The following GPX4 variants were observed in gnomAD, a reference collection of about 807,000 sequenced individuals.
GPX4 encodes glutathione peroxidase 4.
A neutral mutation model predicts 27.8 loss-of-function variants in GPX4; 28 were observed. The ratio of observed to expected loss-of-function variants is 1.01; its 90% confidence interval spans 0.75 to 1.38. The LOEUF (loss-of-function observed/expected upper bound fraction) is 1.38. Among genes scored for constraint, GPX4 ranks in the 40% most tolerant of loss-of-function variants. GPX4 has a pLI of 0.00. For synonymous variants in GPX4, 163 were observed against 107.8 expected (o/e 1.51, Z -3.17); for missense variants, 357 against 274.1 (o/e 1.30, Z -2.14).
intron 1 of GPX4, chr19:1,104,966 AT>A: frequency 6.8e-7 from 1 of 1,480,256 alleles, no homozygotes; most frequent in Non-Finnish European, 9.0e-7. Context: ...AATGTGGCAC[AT>A]TTTGGGGTTG....
At chr19:1,106,348 C>T (rs1253116541) in intron 5 of GPX4, 52 bp from the exon 6 acceptor site, 2 of 1,610,900 alleles carry the variant, frequency 1.2e-6, no homozygotes, top group African/African-American at 1.3e-5. Context: ...GGAAGGGCAG[C>T]CTCAGCCCCT....
In GPX4 at chr19:1,106,422, G is replaced by T. The variant is rs768439030; in HGVS notation, c.524G>T (p.Cys175Phe). The change falls in exon 6 of 7, where the codon TGC (cysteine) becomes TTC (phenylalanine). Residue 175 changes from cysteine to phenylalanine, a missense_variant. Coordinates refer to ENST00000354171, the MANE Select transcript of GPX4 (RefSeq NM_002085.5). ...FTKFLIDKNG[C>F]VVKRYGPMEE... ...CAGTTCCTCATCGACAAGAACGGCTGCGTGGTGAAGCGCTACGGACCCATG... is the reference window on the plus strand; with the variant it reads ...CAGTTCCTCATCGACAAGAACGGCTTCGTGGTGAAGCGCTACGGACCCATG... The T allele has an allele frequency of 6.2e-7, 1 of 1,613,534 alleles. No individual in the cohort carries two copies. Among genetic ancestry groups the T allele is most frequent in the Non-Finnish European group, 8.5e-7 (1 of 1,179,956 alleles).
At chr19:1,105,023 G>A (rs1182143202) in intron 1 of GPX4, 163 bp from the exon 2 acceptor site, 1 of 1,466,638 alleles carries the variant, frequency 6.8e-7, no homozygotes, top group African/African-American at 1.4e-5. Context: ...CGGACCAGAA[G>A]TACAAGGGGG....
At position 1,106,577 on chromosome 19, in the gene GPX4, A is replaced by C. The variant is rs368126228; in HGVS notation, c.*5A>C. 1.6e-4 allele frequency: 251 copies of C among 1,613,372 alleles called. No homozygotes were observed. The African/African-American group carries it at 3.2e-3, about 20-fold the overall frequency. On this transcript the variant is annotated 3_prime_UTR_variant, in exon 7 of 7. Transcript: ENST00000354171. ...GACCTGCCCCACTATTTCTAGCTCC[A>C]CAAGTGTGTGGCCCCGCCCGAGCCC...
At position 1,105,960 on chromosome 19, in the gene GPX4, T is replaced by TA. The variant is rs2079647704; in HGVS notation, c.476+153dup. On this transcript the variant is annotated intron_variant, in intron 4 of 6. Transcript: ENST00000354171. ...CTCACATCGCGTGGCCTCCTGGGGG[T>TA]AAGATGGCTCAGGGGGACATAGAGG... The TA allele has an allele frequency of 4.4e-6, 4 of 907,532 alleles. No individual in the cohort carries two copies. In the African/African-American group the frequency reaches 7.4e-5, roughly 17 times the overall value. 56.2% of individuals were successfully genotyped at this position (907,532 alleles called of 1,614,324 possible).
rs753179152 is a variant in GPX4, at chr19:1,105,288, C to A, written c.179+8C>A. The A allele has an allele frequency of 6.2e-7, 1 of 1,612,938 alleles. No homozygotes were observed. The highest frequency in any genetic ancestry group is 1.3e-5 in the African/African-American group (1 of 75,050). On this transcript the variant is annotated splice_region_variant and intron_variant, in intron 2 of 6. Transcript: ENST00000354171. ...TAACCTGGACAAGTACCGGTGGGCGCTCGCCTGGGGTGGGGCGCGGGGTCG... is the reference window on the plus strand; with the variant it reads ...TAACCTGGACAAGTACCGGTGGGCGATCGCCTGGGGTGGGGCGCGGGGTCG...
In GPX4 at chr19:1,105,257, C is replaced by T. The variant is rs1412238452; in HGVS notation, c.156C>T (p.His52=). ...TTTCCGCCAAGGACATCGACGGGCA[C>T]ATGGTTAACCTGGACAAGTACCGGT... ...HEFSAKDIDG[H]MVNLDKYRGF... The change falls in exon 2 of 7, where the codon CAC becomes CAT. Residue 52 remains histidine, a synonymous_variant. Coordinates refer to ENST00000354171, the MANE Select transcript of GPX4 (RefSeq NM_002085.5). 1 of 1,613,082 alleles carries T rather than the reference C, an allele frequency of 6.2e-7. No homozygotes were observed. The highest frequency in any genetic ancestry group is 1.7e-5 in the Admixed American group (1 of 60,026).
chr19:1,104,247 G>T, intron 1 of GPX4, 120 bp downstream of exon 1: 1 of 870,172 alleles, frequency 1.1e-6, no homozygotes, highest in Non-Finnish European at 1.6e-6. Flanking sequence ...GGGGGCGTCT[G>T]GGGGCTCCCC....
chr19:1,104,564 G>T lies in GPX4; in HGVS notation c.84+437G>T, dbSNP rs57563163. On this transcript the variant is annotated intron_variant, in intron 1 of 6. Transcript: ENST00000354171. Reference sequence around the variant, plus strand: ...GCTGCGCCCGAGCGGTTGGGGGCGCGGAGGGCTGGAAATCCCGGATCACGC... The same window carrying T: ...GCTGCGCCCGAGCGGTTGGGGGCGCTGAGGGCTGGAAATCCCGGATCACGC... 9,993 of 918,534 alleles carry T rather than the reference G, an allele frequency of 0.011. 751 individuals are homozygous for T. The African/African-American group carries it at 0.17, about 15-fold the overall frequency. The allele number at this position is 918,534 out of a possible 1,614,324, so 56.9% of individuals were successfully genotyped here.
At chr19:1,104,940 G>A (rs781683954) in intron 1 of GPX4, 2 of 1,465,028 alleles carry the variant, frequency 1.4e-6, no homozygotes, top group Non-Finnish European at 1.8e-6. Context: ...GTGCGCGCGG[G>A]GCCCCCACAC....
intron 1 of GPX4, 150 bp downstream of exon 1, chr19:1,104,277 C>A: frequency 4.3e-6 from 3 of 701,720 alleles, no homozygotes; most frequent in Non-Finnish European, 6.4e-6. Context: ...CCCGGCCGGG[C>A]ACGGACGCGG....
At position 1,105,288 on chromosome 19, in the gene GPX4, C is replaced by T. The variant is rs753179152; in HGVS notation, c.179+8C>T. ...TAACCTGGACAAGTACCGGTGGGCG[C>T]TCGCCTGGGGTGGGGCGCGGGGTCG... On this transcript the variant is annotated splice_region_variant and intron_variant, in intron 2 of 6. Coordinates refer to ENST00000354171, the MANE Select transcript of GPX4 (RefSeq NM_002085.5). The T allele has an allele frequency of 2.9e-5, 46 of 1,612,822 alleles. No homozygotes were observed. The East Asian group carries it at 6.5e-4, about 23-fold the overall frequency.
At position 1,106,645 on chromosome 19, in the gene GPX4, C is replaced by G. The variant is rs752016643; in HGVS notation, c.*73C>G. The stretch of plus-strand genomic sequence containing the variant: ...GCCTTCCACCGGCACTCATGACGGC[C>G]TGCCTGCAAACCTGCTGGTGGGGCA... On this transcript the variant is annotated 3_prime_UTR_variant, in exon 7 of 7. Transcript: ENST00000354171. 3 of 1,596,848 alleles carry G rather than the reference C, an allele frequency of 1.9e-6. No homozygotes were observed. The highest frequency in any genetic ancestry group is 2.6e-6 in the Non-Finnish European group (3 of 1,171,200).
Position 1,105,286 on chromosome 19 carries a change from C to A in GPX4, c.179+6C>A, listed in dbSNP as rs754288488. On this transcript the variant is annotated splice_donor_region_variant and intron_variant, in intron 2 of 6. Coordinates refer to ENST00000354171, the MANE Select transcript of GPX4 (RefSeq NM_002085.5). Reference sequence around the variant, plus strand: ...GTTAACCTGGACAAGTACCGGTGGGCGCTCGCCTGGGGTGGGGCGCGGGGT... The same window carrying A: ...GTTAACCTGGACAAGTACCGGTGGGAGCTCGCCTGGGGTGGGGCGCGGGGT... 1.7e-5 allele frequency: 27 copies of A among 1,612,812 alleles called. No individual in the cohort carries two copies. In the Admixed American group the frequency reaches 4.5e-4, roughly 27 times the overall value.
At chr19:1,105,963 G>T (rs1407461654) in intron 4 of GPX4, 154 bp downstream of exon 4, 2 of 934,372 alleles carry the variant, frequency 2.1e-6, no homozygotes, top group Non-Finnish European at 3.2e-6. Flanking sequence ...CTGGGGGTAA[G>T]ATGGCTCAGG....
At position 1,104,912 on chromosome 19, in the gene GPX4, C is replaced by A. The variant is rs1599807666; in HGVS notation, c.85-274C>A. The A allele has an allele frequency of 1.4e-6, 2 of 1,423,658 alleles. 1 individual carries two copies. 88.2% of individuals were successfully genotyped at this position (1,423,658 alleles called of 1,614,324 possible). A position where few individuals can be genotyped will look rare whatever the true frequency, so the allele number is the denominator to read the frequency against. ...CTTGCGACCGGAGATCCACGAATGT[C>A]CCAAGTCCCAGGACCCGGTGCGCGC... On this transcript the variant is annotated intron_variant, in intron 1 of 6. Coordinates refer to ENST00000354171, the MANE Select transcript of GPX4 (RefSeq NM_002085.5).
intron 1 of GPX4, chr19:1,104,421 C>T: frequency 5.5e-6 from 2 of 366,860 alleles, no homozygotes; most frequent in East Asian, 9.1e-5. Flanking sequence ...CCGTTGCAGG[C>T]GCGCGTGCCG....
chr19:1,104,086 C>G lies in GPX4; in HGVS notation c.43C>G (p.Leu15Val). The part of the protein sequence containing the change: ...RLCRLLKPAL[L>V]CGALAAPGLA... ...TTGCCGCCTACTGAAGCCGGCGCTG[C>G]TCTGTGGGGCTCTGGCCGCGCCTGG... The change falls in exon 1 of 7, where the codon CTC becomes GTC. Residue 15 changes from leucine to valine, a missense_variant. Transcript: ENST00000354171. The G allele has an allele frequency of 1.3e-6, 2 of 1,512,886 alleles. No homozygotes were observed. Among genetic ancestry groups the G allele is most frequent in the South Asian group, 1.2e-5 (1 of 81,616 alleles). 93.7% of individuals were successfully genotyped at this position (1,512,886 alleles called of 1,614,324 possible). A position where few individuals can be genotyped will look rare whatever the true frequency, so the allele number is the denominator to read the frequency against.
chr19:1,106,655 A>C lies in GPX4; in HGVS notation c.*83A>C. 5 of 1,581,020 alleles carry C rather than the reference A, an allele frequency of 3.2e-6. No individual in the cohort carries two copies. The highest frequency in any genetic ancestry group is 4.3e-6 in the Non-Finnish European group (5 of 1,160,698). On this transcript the variant is annotated 3_prime_UTR_variant, in exon 7 of 7. Coordinates refer to ENST00000354171, the MANE Select transcript of GPX4 (RefSeq NM_002085.5). ...GGCACTCATGACGGCCTGCCTGCAA[A>C]CCTGCTGGTGGGGCAGACCCGAAAA...
Sources: gnomAD v4.1 joint callset for allele counts on GRCh38, gnomAD v4.1.1 for gene constraint, MANE v1.5 for transcripts, NCBI Gene and HGNC (gene_info 2026-07-23, HGNC 2026-07-21) for gene names.